The following MTUS1 variants were observed in gnomAD, a reference collection of about 807,000 sequenced individuals.
MTUS1 encodes the protein microtubule associated scaffold protein 1.
A neutral mutation model predicts 120.8 loss-of-function variants in MTUS1; 109 were observed. The ratio of observed to expected loss-of-function variants is 0.90; its 90% CI spans 0.77 to 1.06. The LOEUF (loss-of-function observed/expected upper bound fraction) is 1.06, where lower values mean the gene tolerates loss of function less well. Ranked by LOEUF, MTUS1 falls within the 50% of genes least tolerant of loss-of-function variation. The pLI, the probability that MTUS1 is intolerant of heterozygous loss-of-function variation, is 0.00. For synonymous variants in MTUS1, 737 were observed against 550.5 expected, an observed-to-expected ratio of 1.34 and a Z score of -4.74; for missense variants, 2,210 against 1,486.3, an observed-to-expected ratio of 1.49 and a Z score of -8.01.
At position 17,776,932 on chromosome 8, in the gene MTUS1, T is replaced by G. The variant is rs542419374; in HGVS notation, c.-154-20971A>C. Among the ~76,000 whole-genome samples, 5 of 152,194 alleles carry G rather than the reference T, an allele frequency of 3.3e-5. No individual in the cohort carries two copies. In the East Asian group the frequency reaches 9.7e-4, roughly 29 times the overall value. ...TTGTAATTGCGCTTTCGGAGAGCAA[T>G]TTCAACAGCTGTAAGACTTGATTTC... On this transcript the variant is annotated intron_variant, in intron 1 of 14. Coordinates refer to ENST00000693296, the MANE Select transcript of MTUS1 (RefSeq NM_001363059.2).
At chr8:17,746,744 G>A (rs150614104) in intron 2 of MTUS1, among the ~76,000 whole-genome samples, 189 of 152,172 alleles carry the variant, frequency 1.2e-3, no homozygotes, top group African/African-American at 4.0e-3. Context: ...CATATAGCCC[G>A]TATAGAATAC....
chr8:17,683,042 G>T (rs780066507), intron 7 of MTUS1, among the ~76,000 whole-genome samples: 1 of 152,242 alleles, frequency 6.6e-6, no homozygotes, highest in Non-Finnish European at 1.5e-5. Context: ...GGAGGCCGAG[G>T]CAGACAGATC....
Position 17,754,787 on chromosome 8 carries a change from C to A in MTUS1, c.1021G>T (p.Val341Leu). 1 of 1,614,190 alleles carries A rather than the reference C, an allele frequency of 6.2e-7. No individual in the cohort carries two copies. Among genetic ancestry groups the A allele is most frequent in the Non-Finnish European group, 8.5e-7 (1 of 1,180,004 alleles). Reference protein sequence around the residue: ...KEMGQNLRETVSYCLIDDECP... With the variant: ...KEMGQNLRETLSYCLIDDECP... ...TCATCATCAATAAGACAATAGGACA[C>A]TGTCTCTCTCAGATTTTGGCCCATT... The change falls in exon 2 of 15, where the codon GTG becomes TTG. Residue 341 changes from valine (V) to leucine (L), a missense_variant. Transcript: ENST00000693296.
intron 8 of MTUS1, among the ~76,000 whole-genome samples, chr8:17,674,073 G>C (rs1277255373): frequency 6.6e-6 from 1 of 152,158 alleles, no homozygotes; most frequent in Non-Finnish European, 1.5e-5. Flanking sequence ...GATTCTCTAG[G>C]TTGAGGAGCC....
In MTUS1 at chr8:17,721,996, A is replaced by T. The variant is rs796651254; in HGVS notation, c.2449+1676T>A. ...GCTCTTAGTGAATTCGAATGGAGGG[A>T]AAAAAAAAAAAATGCGTAAGCTCCA... On this transcript the variant is annotated intron_variant, in intron 4 of 14. Coordinates refer to ENST00000693296, the MANE Select transcript of MTUS1 (RefSeq NM_001363059.2). 5 of 215,976 alleles carry T rather than the reference A, an allele frequency of 2.3e-5. No individual in the cohort carries two copies. In the South Asian group the frequency reaches 8.0e-4, roughly 34 times the overall value. 13.4% of individuals were successfully genotyped at this position (215,976 alleles called of 1,614,324 possible). A position where few individuals can be genotyped will look rare whatever the true frequency, so the allele number is the denominator to read the frequency against.
In MTUS1 at chr8:17,754,898, C is replaced by G. The variant is rs750309357; in HGVS notation, c.910G>C (p.Asp304His). 16 of 1,614,082 alleles carry G rather than the reference C, an allele frequency of 9.9e-6. No homozygotes were observed. The highest frequency in any genetic ancestry group is 1.7e-5 in the Admixed American group (1 of 60,000). ...CAAAAGAACTCTTGTAATGCAGAAT[C>G]ATTGGGGACTTCCATGCCATCAGAA... ...PVSDGMEVPNDSALQEFFCLS... is the reference protein window; with the variant it reads ...PVSDGMEVPNHSALQEFFCLS... The change falls in exon 2 of 15, where the codon GAT (aspartate) becomes CAT (histidine). Residue 304 changes from aspartate to histidine, a missense_variant. By Grantham distance (81) the Asp-to-His change is moderately conservative. Coordinates refer to ENST00000693296, the MANE Select transcript of MTUS1 (RefSeq NM_001363059.2).
chr8:17,788,034 T>C (rs1298555083), intron 1 of MTUS1, among the ~76,000 whole-genome samples: 2 of 152,104 alleles, frequency 1.3e-5, no homozygotes, highest in Admixed American at 6.6e-5. Flanking sequence ...AGTAGGAGAA[T>C]GGCTGGAACC....
At position 17,715,819 on chromosome 8, in the gene MTUS1, C is replaced by T. The variant is rs761286365; in HGVS notation, c.2532G>A (p.Leu844=). The T allele has an allele frequency of 2.5e-6, 4 of 1,613,904 alleles. No individual in the cohort carries two copies. Among genetic ancestry groups the T allele is most frequent in the Non-Finnish European group, 3.4e-6 (4 of 1,179,954 alleles). ...CATGAGCCCTGGATACCAAAGGCTTCAAATAAAAGGATCCTGAGGAACCAT... is the reference window on the plus strand; with the variant it reads ...CATGAGCCCTGGATACCAAAGGCTTTAAATAAAAGGATCCTGAGGAACCAT... ...FQNGSSGSFY[L]KPLVSRAHVH... The change falls in exon 5 of 15, where the codon TTG becomes TTA. Residue 844 remains leucine, a synonymous_variant. Coordinates refer to ENST00000693296, the MANE Select transcript of MTUS1 (RefSeq NM_001363059.2).
chr8:17,729,806 G>A (rs1050322122), intron 3 of MTUS1, among the ~76,000 whole-genome samples: 1 of 151,806 alleles, frequency 6.6e-6, no homozygotes, highest in Non-Finnish European at 1.5e-5. Flanking sequence ...ATTCAACAAC[G>A]AAAATACCAA....
intron 4 of MTUS1, among the ~76,000 whole-genome samples, chr8:17,719,992 A>G (rs1394432012): frequency 6.7e-6 from 1 of 148,748 alleles, no homozygotes; most frequent in Non-Finnish European, 1.5e-5. Context: ...AGAGGAGAGT[A>G]TGGAGGCTGG....
At chr8:17,721,793 C>A (rs1450941694) in intron 4 of MTUS1, 1 of 1,614,018 alleles carries the variant, frequency 6.2e-7, no homozygotes, top group Non-Finnish European at 8.5e-7. Flanking sequence ...AATAAGGTAG[C>A]ATCATAGTGC....
chr8:17,662,386 C>T (rs531560481), intron 8 of MTUS1, among the ~76,000 whole-genome samples: 15 of 134,400 alleles, frequency 1.1e-4, no homozygotes, highest in African/African-American at 4.2e-4. Flanking sequence ...GATAGAGTCT[C>T]GCACTGTCAC....
intron 6 of MTUS1, among the ~76,000 whole-genome samples, chr8:17,698,171 G>C (rs942428583): frequency 1.3e-5 from 2 of 152,148 alleles, no homozygotes; most frequent in East Asian, 3.8e-4. Flanking sequence ...TGTAATATCA[G>C]AGTTCCAGAA....
At chr8:17,768,922 GA>G (rs1406808998) in intron 1 of MTUS1, among the ~76,000 whole-genome samples, 9 of 152,078 alleles carry the variant, frequency 5.9e-5, no homozygotes, top group African/African-American at 2.2e-4. Flanking sequence ...GTTTTCGGGG[GA>G]TTTTTGTTTT....
At chr8:17,762,963 T>G (rs890947566) in intron 1 of MTUS1, among the ~76,000 whole-genome samples, 3 of 151,440 alleles carry the variant, frequency 2.0e-5, no homozygotes, top group African/African-American at 7.3e-5. Flanking sequence ...CAACAGTGGC[T>G]GTCAGGGCTG....
Position 17,681,438 on chromosome 8 carries a change from G to A in MTUS1, c.2838+2890C>T, listed in dbSNP as rs532119492. ...GATAGCTTCCTAGACCTAGGTTTAC[G>A]TCCTGGTTCTCCTCTTGCTAGCTGT... On this transcript the variant is annotated intron_variant, in intron 7 of 14. Coordinates refer to ENST00000693296, the MANE Select transcript of MTUS1 (RefSeq NM_001363059.2). 1.6e-4 allele frequency: 25 copies of A among 152,916 alleles called. 1 individual carries two copies. The highest frequency in any genetic ancestry group is 5.8e-4 in the African/African-American group (24 of 41,556). The allele number at this position is 152,916 out of a possible 1,614,324, so 9.5% of individuals were successfully genotyped here. A position where few individuals can be genotyped will look rare whatever the true frequency, so the allele number is the denominator to read the frequency against.
chr8:17,692,260 G>A (rs565778164), intron 6 of MTUS1: 6 of 152,236 alleles, frequency 3.9e-5, no homozygotes, highest in South Asian at 2.1e-4. Context: ...CTTCCAGGTC[G>A]AGTCATGTGA....
Position 17,645,885 on chromosome 8 carries a change from A to T in MTUS1, c.*41T>A. ...CTTGGGGTCAGTCCTGCAGACCTGC[A>T]TCAAAATGCTTTCAGAGAGTCTGTG... On this transcript the variant is annotated 3_prime_UTR_variant, in exon 15 of 15. Coordinates refer to ENST00000693296, the MANE Select transcript of MTUS1 (RefSeq NM_001363059.2). 4 of 1,586,126 alleles carry T rather than the reference A, an allele frequency of 2.5e-6. No homozygotes were observed. The highest frequency in any genetic ancestry group is 3.4e-6 in the Non-Finnish European group (4 of 1,166,826).
rs1253914328 is a variant in MTUS1 at position 17,646,042 on chromosome 8, T to G, written c.3697A>C (p.Lys1233Gln). ...LSMENEELLW[K>Q]LHNGDLCSPK... ...CTACACAGGTCCCCATTGTGCAGTT[T>G]CCACAGAAGCTCCTCGTTTTCCATA... Residue 1233 changes from lysine (K) to glutamine (Q), a missense_variant, in exon 15 of 15, where the codon AAA becomes CAA. Physicochemically the swap from Lys to Gln is moderately conservative, Grantham distance 53. Transcript: ENST00000693296. 2 of 1,613,720 alleles carry G rather than the reference T, an allele frequency of 1.2e-6. No individual in the cohort carries two copies. The highest frequency in any genetic ancestry group is 3.3e-5 in the Admixed American group (2 of 59,978).
Sources: allele counts gnomAD v4.1 joint callset (sites outside exome capture counted in the v4.1 genomes callset), GRCh38; gene constraint gnomAD v4.1.1; transcripts MANE v1.5; gene names NCBI Gene and HGNC (gene_info 2026-07-23, HGNC 2026-07-21).